The following CDK14 variants were observed in gnomAD, a reference collection of about 807,000 sequenced individuals.
The protein encoded by CDK14 is cyclin-dependent kinase 14.
Under a neutral mutation model 60.7 loss-of-function variants are expected in CDK14, and 34 were observed. The ratio of observed to expected loss-of-function variants is 0.56; its 90% CI spans 0.43 to 0.75. CDK14 has a LOEUF of 0.75. Ranked by LOEUF, CDK14 falls within the 30% of genes least tolerant of loss-of-function variation. The pLI, the probability that CDK14 is intolerant of heterozygous loss-of-function variation, is 0.00. For synonymous variants in CDK14, 197 were observed against 203.7 expected, an observed-to-expected ratio of 0.97 and a Z score of 0.28; for missense variants, 482 against 564.1, an observed-to-expected ratio of 0.85 and a Z score of 1.47.
At chr7:91,051,455 C>G (rs919144417) in intron 11 of CDK14, among the ~76,000 whole-genome samples, 1 of 152,210 alleles carries the variant, frequency 6.6e-6, no homozygotes, top group Non-Finnish European at 1.5e-5. Context: ...CCCTTACCCT[C>G]AGGGTTCTGT....
At chr7:91,084,084 G>A (rs772660707) in intron 12 of CDK14, among the ~76,000 whole-genome samples, 2 of 152,116 alleles carry the variant, frequency 1.3e-5, no homozygotes, top group Non-Finnish European at 2.9e-5. Flanking sequence ...TGATTGTATA[G>A]CCTAAAATTA....
intron 6 of CDK14, among the ~76,000 whole-genome samples, chr7:90,884,844 C>T (rs2117297325): frequency 6.6e-6 from 1 of 152,304 alleles, no homozygotes; most frequent in African/African-American, 2.4e-5. Context: ...AAAGGATCTC[C>T]TATTCAGTAA....
chr7:90,790,988 T>A (rs560799532), intron 5 of CDK14, among the ~76,000 whole-genome samples: 1 of 152,310 alleles, frequency 6.6e-6, no homozygotes, highest in Non-Finnish European at 1.5e-5. Flanking sequence ...ATTGATGATT[T>A]TTAAGGAAAA....
At chr7:90,790,478 G>C (rs965513917) in intron 4 of CDK14, 95 bp from the exon 5 acceptor site, 6 of 726,196 alleles carry the variant, frequency 8.3e-6, no homozygotes, top group African/African-American at 7.2e-5. Flanking sequence ...TAGCATAAAA[G>C]TGAATTTATT....
chr7:91,180,479 T>C (rs988906376), intron 14 of CDK14, among the ~76,000 whole-genome samples: 2 of 150,252 alleles, frequency 1.3e-5, no homozygotes, highest in African/African-American at 5.1e-5. Context: ...TACACATACA[T>C]GCATAGAAAG....
At chr7:90,865,615 A>G (rs1004738836) in intron 6 of CDK14, among the ~76,000 whole-genome samples, 1 of 152,184 alleles carries the variant, frequency 6.6e-6, no homozygotes, top group Non-Finnish European at 1.5e-5. Context: ...GGCATAAGGT[A>G]GGAAACAGGA....
chr7:90,624,300 C>T (rs115377853), intron 2 of CDK14, among the ~76,000 whole-genome samples: 497 of 152,290 alleles, frequency 3.3e-3, no homozygotes, highest in African/African-American at 0.011. Flanking sequence ...GGTATGTGAC[C>T]TAGAAACCCT....
chr7:91,184,828 C>A (rs1395657616), intron 14 of CDK14, among the ~76,000 whole-genome samples: 1 of 151,848 alleles, frequency 6.6e-6, no homozygotes, highest in Non-Finnish European at 1.5e-5. Context: ...GCTTTGATTG[C>A]CAGCCCTGTA....
intron 2 of CDK14, chr7:90,632,371 G>T: frequency 3.3e-6 from 1 of 303,544 alleles, no homozygotes; most frequent in Non-Finnish European, 6.9e-6. Context: ...GCTGTGGGTG[G>T]TAATTGCCTT....
At chr7:91,034,403 T>C (rs770996784) in intron 10 of CDK14, among the ~76,000 whole-genome samples, 6 of 152,166 alleles carry the variant, frequency 3.9e-5, no homozygotes, top group Non-Finnish European at 7.3e-5. Context: ...ATTCCTTAGA[T>C]GATTCCTGTG....
At chr7:91,015,214 C>T (rs982129681) in intron 10 of CDK14, among the ~76,000 whole-genome samples, 1 of 152,068 alleles carries the variant, frequency 6.6e-6, no homozygotes, top group African/African-American at 2.4e-5. Flanking sequence ...GATCAGTTTT[C>T]TTACTAATTA....
chr7:91,023,961 CG>C (rs1796501073), intron 10 of CDK14, among the ~76,000 whole-genome samples: 1 of 151,934 alleles, frequency 6.6e-6, no homozygotes, highest in Non-Finnish European at 1.5e-5. Context: ...TTAGTGGAGA[CG>C]GGGTTTCACC....
At chr7:90,944,983 G>T (rs1198973715) in intron 8 of CDK14, among the ~76,000 whole-genome samples, 1 of 152,180 alleles carries the variant, frequency 6.6e-6, no homozygotes, top group Non-Finnish European at 1.5e-5. Context: ...TGCTGAATAA[G>T]TATTAATAAT....
chr7:91,049,605 G>T (rs924832319), intron 11 of CDK14, among the ~76,000 whole-genome samples: 2 of 152,116 alleles, frequency 1.3e-5, no homozygotes, highest in African/African-American at 4.8e-5. Flanking sequence ...ACCAGTTTGG[G>T]TTTTCAAATG....
At chr7:90,763,153 C>G (rs62469752) in intron 4 of CDK14, among the ~76,000 whole-genome samples, 1 of 152,100 alleles carries the variant, frequency 6.6e-6, no homozygotes, top group African/African-American at 2.4e-5. Context: ...TGTCAAAATA[C>G]GTGAGGCAAA....
At chr7:90,652,226 G>A (rs1020565469) in intron 2 of CDK14, among the ~76,000 whole-genome samples, 5 of 152,080 alleles carry the variant, frequency 3.3e-5, no homozygotes, top group African/African-American at 1.2e-4. Context: ...AAAATTTGAA[G>A]TACTTGCTGA....
chr7:91,035,359 T>C (rs1342226848), intron 10 of CDK14, among the ~76,000 whole-genome samples: 1 of 152,246 alleles, frequency 6.6e-6, no homozygotes. Context: ...ATAAAGGTGC[T>C]GATTCCATTT....
chr7:90,633,146 T>C (rs997652180), intron 2 of CDK14, among the ~76,000 whole-genome samples: 1 of 151,960 alleles, frequency 6.6e-6, no homozygotes, highest in Admixed American at 6.6e-5. Flanking sequence ...CACATAGTCA[T>C]ATAATATCAA....
At chr7:90,769,052 A>T (rs527263579) in intron 4 of CDK14, among the ~76,000 whole-genome samples, 1 of 152,236 alleles carries the variant, frequency 6.6e-6, no homozygotes, top group African/African-American at 2.4e-5. Flanking sequence ...GATATTTTAC[A>T]TACAAAAATT....
Sources: gnomAD v4.1 joint callset for allele counts (sites outside exome capture counted in the v4.1 genomes callset) on GRCh38, gnomAD v4.1.1 for gene constraint, MANE v1.5 for transcripts, NCBI Gene and HGNC (gene_info 2026-07-23, HGNC 2026-07-21) for gene names.